The following TRIM39 variants were observed in gnomAD, a reference collection of about 807,000 sequenced individuals.
The protein encoded by TRIM39 is tripartite motif containing 39.
TRIM39 carries 5 observed loss-of-function variants against 53.6 expected under a neutral mutation model. The ratio of observed to expected loss-of-function variants is 0.09; its 90% confidence interval spans 0.05 to 0.20. TRIM39 has a LOEUF of 0.20. Ranked by LOEUF, TRIM39 falls within the 10% of genes least tolerant of loss-of-function variation. The probability of loss-of-function intolerance (pLI) is 1.00; values close to 1 mark genes in which losing one functional copy is unlikely to be tolerated. For missense variants in TRIM39, 310 were observed against 621.0 expected, an observed-to-expected ratio of 0.50 and a Z score of 5.32; for synonymous variants, 196 against 237.6, an observed-to-expected ratio of 0.82 and a Z score of 1.61.
At chr6:30,337,794 C>T (rs1028241061) in intron 5 of TRIM39, among the ~76,000 whole-genome samples, 1 of 152,204 alleles carries the variant, frequency 6.6e-6, no homozygotes, top group Non-Finnish European at 1.5e-5. Flanking sequence ...TGACTTCTCT[C>T]GAACTGTGAA....
At chr6:30,330,256 AC>A (rs1785969460) in intron 3 of TRIM39, among the ~76,000 whole-genome samples, 1 of 152,216 alleles carries the variant, frequency 6.6e-6, no homozygotes, top group Admixed American at 6.5e-5. Flanking sequence ...CATTTAACTT[AC>A]TGCTGAGACA....
intron 7 of TRIM39, chr6:30,341,370 G>GT (rs1562424806): frequency 6.7e-6 from 4 of 598,408 alleles, no homozygotes; most frequent in Admixed American, 4.3e-5. Flanking sequence ...AACACTTTCC[G>GT]TTTTTTTCTG....
rs573482067 is a variant in TRIM39 at position 30,342,438 on chromosome 6, G to A, written c.*179G>A. 1.5e-6 allele frequency: 1 copy of A among 654,822 alleles called. No homozygotes were observed. The highest frequency in any genetic ancestry group is 2.6e-6 in the Non-Finnish European group (1 of 383,808). 40.6% of individuals were successfully genotyped at this position (654,822 alleles called of 1,614,324 possible). A position where few individuals can be genotyped will look rare whatever the true frequency, so the allele number is the denominator to read the frequency against. ...GGGGAGGTAGGACTGGGCTGGATGA[G>A]AGAGCACAGCTGTGACTTCCTCCTA... On this transcript the variant is annotated 3_prime_UTR_variant, in exon 8 of 8. Transcript: ENST00000396551. The surrounding 1 kb of genome is among the most constrained non-coding windows in gnomAD (Gnocchi z 4.7).
In TRIM39 at chr6:30,338,647, A is replaced by G. The variant is rs1787142010; in HGVS notation, c.781-1261A>G. 6.6e-6 allele frequency among the ~76,000 whole-genome samples: 1 copy of G among 151,280 alleles called. No individual in the cohort carries two copies. The highest frequency in any genetic ancestry group is 2.4e-5 in the African/African-American group (1 of 41,054). ...GTGAAATATTGTGAGAATTACCAAA[A>G]TGTGACACAGAGACATGAAGTGAAC... On this transcript the variant is annotated intron_variant, in intron 5 of 7. Transcript: ENST00000396551. This position sits in a 1 kb window ranked among gnomAD's most constrained non-coding sequence, Gnocchi z 4.0.
chr6:30,331,297 A>AAAAAAAAAAAAAAAAAAAG (rs1562406038), intron 4 of TRIM39, among the ~76,000 whole-genome samples: 1 of 150,104 alleles, frequency 6.7e-6, no homozygotes, highest in Non-Finnish European at 1.5e-5. Flanking sequence ...AACAAAAAAA[A>AAAAAAAAAAAAAAAAAAAG]AAAGAACAAT....
In TRIM39 at chr6:30,338,033, T is replaced by C. The variant is rs765178818; in HGVS notation, c.781-1875T>C. Among the ~76,000 whole-genome samples the C allele has an allele frequency of 7.9e-5, 12 of 152,198 alleles. No homozygotes were observed. Among genetic ancestry groups the C allele is most frequent in the Non-Finnish European group, 1.8e-4 (12 of 68,040 alleles). On this transcript the variant is annotated intron_variant, in intron 5 of 7. Coordinates refer to ENST00000396551, the Ensembl canonical transcript of TRIM39. The surrounding 1 kb of genome is among the most constrained non-coding windows in gnomAD (Gnocchi z 4.0). The stretch of plus-strand genomic sequence containing the variant: ...ACTTTTCTTCTGCAGCTTCCTTACC[T>C]CTCTCAGCTTTCATAGAACTGAAGG...
intron 7 of TRIM39, among the ~76,000 whole-genome samples, chr6:30,340,995 G>C (rs1316267711): frequency 6.6e-6 from 1 of 152,124 alleles, no homozygotes; most frequent in African/African-American, 2.4e-5. Flanking sequence ...ATCACTTGAG[G>C]TCAGGAGTTC....
At position 30,339,792 on chromosome 6, in the gene TRIM39, A is replaced by G. The variant is rs1195972292; in HGVS notation, c.781-116A>G. On this transcript the variant is annotated intron_variant, in intron 5 of 7. Coordinates refer to ENST00000396551, the Ensembl canonical transcript of TRIM39. The surrounding 1 kb of genome is among the most constrained non-coding windows in gnomAD (Gnocchi z 4.2). Reference sequence around the variant, plus strand: ...GCTCTTCTTGCACTGTGTGACCCTCAGTTTATCCTATCCCTATTTTATAGC... The same window carrying G: ...GCTCTTCTTGCACTGTGTGACCCTCGGTTTATCCTATCCCTATTTTATAGC... 1 of 1,412,618 alleles carries G rather than the reference A, an allele frequency of 7.1e-7. No individual in the cohort carries two copies. Among genetic ancestry groups the G allele is most frequent in the Non-Finnish European group, 9.9e-7 (1 of 1,012,838 alleles). The allele number at this position is 1,412,618 out of a possible 1,614,324, so 87.5% of individuals were successfully genotyped here.
chr6:30,341,095 C>CG (rs1787472610), intron 7 of TRIM39, among the ~76,000 whole-genome samples: 1 of 151,906 alleles, frequency 6.6e-6, no homozygotes, highest in East Asian at 1.9e-4. Flanking sequence ...GTAATCCCAG[C>CG]TCCTCTGGAG....
chr6:30,332,455 G>A (rs1786299478), intron 4 of TRIM39, among the ~76,000 whole-genome samples: 1 of 152,152 alleles, frequency 6.6e-6, no homozygotes, highest in Non-Finnish European at 1.5e-5. Flanking sequence ...TCCAAGTTTT[G>A]ATTCATAGAA....
chr6:30,332,112 G>A (rs1374202333), intron 4 of TRIM39, among the ~76,000 whole-genome samples: 4 of 152,200 alleles, frequency 2.6e-5, no homozygotes, highest in African/African-American at 9.7e-5. Context: ...AGCTTACACA[G>A]AAGGAAATGG....
chr6:30,334,938 C>T (rs2127399401), intron 4 of TRIM39, among the ~76,000 whole-genome samples: 1 of 152,046 alleles, frequency 6.6e-6, no homozygotes, highest in South Asian at 2.1e-4. Flanking sequence ...CACTATGTTT[C>T]CTAGGTTGGT....
At chr6:30,333,721 C>T (rs1786504715) in intron 4 of TRIM39, among the ~76,000 whole-genome samples, 1 of 152,148 alleles carries the variant, frequency 6.6e-6, no homozygotes, top group Non-Finnish European at 1.5e-5. Context: ...GGTCAGTTCA[C>T]TATGCCGGAT....
chr6:30,340,403 AATTT>A, intron 6 of TRIM39, 98 bp from the exon 7 acceptor site: 3 of 1,610,276 alleles, frequency 1.9e-6, no homozygotes, highest in Non-Finnish European at 2.5e-6. Context: ...GAAGATGGAG[AATTT>A]TAATTTCTCC....
chr6:30,343,105 C>G (rs1787734754), exon 8 of TRIM39: 1 of 152,636 alleles, frequency 6.6e-6, no homozygotes, highest in African/African-American at 2.4e-5. Flanking sequence ...CCCAAGGGAA[C>G]TTGGAAAGGA....
chr6:30,333,268 G>A (rs974113161), intron 4 of TRIM39, among the ~76,000 whole-genome samples: 4 of 150,886 alleles, frequency 2.7e-5, no homozygotes, highest in Admixed American at 6.6e-5. Context: ...AAAAATTCAC[G>A]TATAGTAAAA....
intron 7 of TRIM39, among the ~76,000 whole-genome samples, chr6:30,340,942 T>C (rs1787445977): frequency 6.6e-6 from 1 of 152,192 alleles, no homozygotes; most frequent in Non-Finnish European, 1.5e-5. Flanking sequence ...GTGCGGTGGC[T>C]CACATCTGTA....
Position 30,342,317 on chromosome 6 carries a change from TC to T in TRIM39, c.*61del. On this transcript the variant is annotated 3_prime_UTR_variant, in exon 8 of 8. Coordinates refer to ENST00000396551, the Ensembl canonical transcript of TRIM39. The surrounding 1 kb of genome is among the most constrained non-coding windows in gnomAD (Gnocchi z 4.7). ...CAGGGTCAAGTGCTACGGGCCTCCT[TC>T]CCGTGTCCTGCTGGAACGTCTTCGT... 6.4e-7 allele frequency: 1 copy of T among 1,552,520 alleles called. No individual in the cohort carries two copies. Among genetic ancestry groups the T allele is most frequent in the South Asian group, 1.2e-5 (1 of 84,588 alleles).
At chr6:30,340,567 G>C (rs1056866548) in exon 7 of TRIM39, 1 of 1,613,048 alleles carries the variant, frequency 6.2e-7, no homozygotes, top group South Asian at 1.1e-5. Context: ...AAGAACTTCA[G>C]CAATTTTCCC....
Sources: allele counts gnomAD v4.1 joint callset (sites outside exome capture counted in the v4.1 genomes callset), GRCh38; gene constraint gnomAD v4.1.1; non-coding constraint Gnocchi (gnomAD v3.1); transcripts MANE v1.5; gene names NCBI Gene and HGNC (gene_info 2026-07-23, HGNC 2026-07-21).